The following MSI2 variants were observed in gnomAD, a reference collection of about 807,000 sequenced individuals.
MSI2 encodes the protein RNA-binding protein Musashi homolog 2.
In MSI2, 17 loss-of-function variants were observed where a neutral mutation model predicts 45.6. That is an observed-to-expected ratio of 0.37 (90% confidence interval 0.26 to 0.56). The LOEUF is 0.56. Among genes scored for constraint, MSI2 ranks in the 20% least tolerant of loss-of-function variants. The probability of loss-of-function intolerance (pLI) is 0.77; values close to 1 mark genes in which losing one functional copy is unlikely to be tolerated. For synonymous variants in MSI2, 156 were observed against 158.2 expected (o/e 0.99, Z 0.11); for missense variants, 293 against 444.2 (o/e 0.66, Z 3.06).
intron 11 of MSI2, among the ~76,000 whole-genome samples, chr17:57,660,655 G>A (rs1000257495): frequency 6.6e-6 from 1 of 152,212 alleles, no homozygotes; most frequent in African/African-American, 2.4e-5. Flanking sequence ...AGCTTTGTCT[G>A]GGAAGTCAGG....
At chr17:57,483,509 G>A (rs1416480814) in intron 6 of MSI2, among the ~76,000 whole-genome samples, 2 of 152,192 alleles carry the variant, frequency 1.3e-5, no homozygotes, top group Admixed American at 1.3e-4. Flanking sequence ...GTTTTGCGGG[G>A]CCACGCTTTG....
At chr17:57,330,501 A>G (rs999538880) in intron 5 of MSI2, among the ~76,000 whole-genome samples, 1 of 149,720 alleles carries the variant, frequency 6.7e-6, no homozygotes, top group Non-Finnish European at 1.5e-5. Context: ...CTCGTCTTGA[A>G]CTCCTGACCT....
chr17:57,666,184 G>A (rs1912347272), intron 11 of MSI2, among the ~76,000 whole-genome samples: 1 of 152,226 alleles, frequency 6.6e-6, no homozygotes, highest in African/African-American at 2.4e-5. Context: ...TGTGATTCCA[G>A]AAGGGACAAC....
At chr17:57,343,969 C>T (rs936814552) in intron 5 of MSI2, among the ~76,000 whole-genome samples, 4 of 152,212 alleles carry the variant, frequency 2.6e-5, no homozygotes, top group African/African-American at 9.7e-5. Context: ...TGATGTCCAT[C>T]TGCCTCTCTT....
intron 6 of MSI2, 60 bp downstream of exon 6, chr17:57,401,531 G>T: frequency 7.3e-7 from 1 of 1,378,198 alleles, no homozygotes; most frequent in Non-Finnish European, 1.0e-6. Context: ...GTCCTAAGAA[G>T]AGGCTACCGT....
chr17:57,273,538 G>GT (rs1908577862), intron 5 of MSI2, among the ~76,000 whole-genome samples: 1 of 135,082 alleles, frequency 7.4e-6, no homozygotes, highest in Non-Finnish European at 1.6e-5. Context: ...ATGTGGGTGG[G>GT]GGGGGGGACC....
chr17:57,533,011 A>G (rs1301345364), intron 7 of MSI2, among the ~76,000 whole-genome samples: 3 of 152,164 alleles, frequency 2.0e-5, no homozygotes, highest in East Asian at 1.9e-4. Flanking sequence ...TGGGCTTAAC[A>G]TCTGATGAGC....
intron 6 of MSI2, among the ~76,000 whole-genome samples, chr17:57,510,857 A>G (rs1357668225): frequency 2.0e-5 from 3 of 152,206 alleles, no homozygotes; most frequent in African/African-American, 4.8e-5. Flanking sequence ...GCTTTAGTCC[A>G]TGGCACATAA....
intron 13 of MSI2, among the ~76,000 whole-genome samples, chr17:57,679,034 A>G (rs1229113894): frequency 6.6e-6 from 1 of 152,204 alleles, no homozygotes; most frequent in Admixed American, 6.5e-5. Context: ...TTTTAGTGTC[A>G]TGACCTTTAG....
chr17:57,331,423 T>C (rs1317749904), intron 5 of MSI2, among the ~76,000 whole-genome samples: 1 of 152,058 alleles, frequency 6.6e-6, no homozygotes, highest in African/African-American at 2.4e-5. Context: ...CTCTGGAAAC[T>C]TAAGTGGAGG....
chr17:57,413,260 C>T (rs1031412563), intron 6 of MSI2, among the ~76,000 whole-genome samples: 2 of 152,206 alleles, frequency 1.3e-5, no homozygotes, highest in East Asian at 3.8e-4. Context: ...TCTACCCACC[C>T]TGGCAATGAT....
chr17:57,495,830 G>A (rs992198533), intron 6 of MSI2, among the ~76,000 whole-genome samples: 5 of 152,204 alleles, frequency 3.3e-5, no homozygotes, highest in African/African-American at 9.6e-5. Context: ...TGAAGAGATC[G>A]GCTGCTGTCA....
chr17:57,297,024 G>A (rs1256791069), intron 5 of MSI2, among the ~76,000 whole-genome samples: 4 of 151,942 alleles, frequency 2.6e-5, no homozygotes, highest in South Asian at 2.1e-4. Flanking sequence ...ACAGGCCCGC[G>A]CCACCACACC....
intron 6 of MSI2, among the ~76,000 whole-genome samples, chr17:57,453,053 G>A (rs566479133): frequency 6.9e-5 from 10 of 145,340 alleles, no homozygotes; most frequent in East Asian, 2.1e-4. Flanking sequence ...TCACCCAGAT[G>A]AGTACAGTGG....
Position 57,644,744 on chromosome 17 carries a change from A to G in MSI2, c.728-7355A>G, listed in dbSNP as rs1910523812. ...AGAGTGCTTTAAGTAAGCACAACATAGGAAAAATTGTTTCATAATGGACCA... is the reference window on the plus strand; with the variant it reads ...AGAGTGCTTTAAGTAAGCACAACATGGGAAAAATTGTTTCATAATGGACCA... On this transcript the variant is annotated intron_variant, in intron 10 of 13. Transcript: ENST00000284073. 2.0e-5 allele frequency among the ~76,000 whole-genome samples: 3 copies of G among 152,274 alleles called. No homozygotes were observed. In the South Asian group the frequency reaches 6.2e-4, roughly 32 times the overall value.
At chr17:57,577,219 A>T (rs1405144193) in intron 7 of MSI2, among the ~76,000 whole-genome samples, 1 of 152,244 alleles carries the variant, frequency 6.6e-6, no homozygotes, top group African/African-American at 2.4e-5. Flanking sequence ...AGAAAGGCTG[A>T]TCCTTGGGCT....
Position 57,627,095 on chromosome 17 carries a change from A to T in MSI2, c.653-134A>T. 1 of 820,816 alleles carries T rather than the reference A, an allele frequency of 1.2e-6. No homozygotes were observed. The allele number at this position is 820,816 out of a possible 1,614,324, so 50.8% of individuals were successfully genotyped here. A position where few individuals can be genotyped will look rare whatever the true frequency, so the allele number is the denominator to read the frequency against. ...GGTGACCCAGACCCTTAATAAAAAA[A>T]CCCTCATGAGAGACAAATTATTCTG... On this transcript the variant is annotated intron_variant, in intron 9 of 13. Coordinates refer to ENST00000284073, the MANE Select transcript of MSI2 (RefSeq NM_138962.4). This position sits in a 1 kb window ranked among gnomAD's most constrained non-coding sequence, Gnocchi z 4.6.
chr17:57,549,627 C>T (rs767632635), intron 7 of MSI2, among the ~76,000 whole-genome samples: 5 of 152,110 alleles, frequency 3.3e-5, no homozygotes, highest in Non-Finnish European at 5.9e-5. Context: ...TTTCATACAT[C>T]CCCACATTTA....
chr17:57,302,548 C>G (rs1162744111), intron 5 of MSI2, among the ~76,000 whole-genome samples: 1 of 152,206 alleles, frequency 6.6e-6, no homozygotes, highest in Non-Finnish European at 1.5e-5. Context: ...TCCAGGCACA[C>G]TTAAACACAC....
Sources: gnomAD v4.1 joint callset for allele counts (sites outside exome capture counted in the v4.1 genomes callset) on GRCh38, gnomAD v4.1.1 for gene constraint, Gnocchi (gnomAD v3.1) non-coding constraint, MANE v1.5 for transcripts, NCBI Gene and HGNC (gene_info 2026-07-23, HGNC 2026-07-21) for gene names.